Variants in CCDC146 observed in about 807,000 individuals in gnomAD.
CCDC146 encodes coiled-coil domain containing 146.
Under a neutral mutation model 119.3 loss-of-function variants are expected in CCDC146, and 92 were observed. That is an observed-to-expected ratio of 0.77 (90% CI 0.65 to 0.92). The LOEUF (loss-of-function observed/expected upper bound fraction) is 0.92. CCDC146 is among the 40% of genes least tolerant of loss of function. CCDC146 has a pLI of 0.00. For missense variants in CCDC146, 1,000 were observed against 1,103.0 expected (o/e 0.91, Z 1.32); for synonymous variants, 372 against 371.8 (o/e 1.00, Z -0.01).
rs1463877752 is a variant in CCDC146 at position 77,130,873 on chromosome 7, A to G, written c.-12+8141A>G. On this transcript the variant is annotated intron_variant, in intron 1 of 18. Transcript: ENST00000285871. ...GGGCCTCCCAAAGTGCTGGGATTAC[A>G]GGCGTGAGCCACCGCGCCCGGCCCT... is the stretch of plus-strand genomic sequence containing the variant. 3.4e-5 allele frequency among the ~76,000 whole-genome samples: 5 copies of G among 148,542 alleles called. No individual in the cohort carries two copies. In the East Asian group the frequency reaches 9.8e-4, roughly 29 times the overall value.
chr7:77,191,806 A>T (rs991767315), intron 2 of CCDC146, among the ~76,000 whole-genome samples: 2 of 152,058 alleles, frequency 1.3e-5, no homozygotes, highest in African/African-American at 2.4e-5. Flanking sequence ...GCTACTTGGG[A>T]GGCTGAGGCA....
chr7:77,292,301 ATTTT>A (rs35258178), intron 17 of CCDC146, among the ~76,000 whole-genome samples: 4 of 132,658 alleles, frequency 3.0e-5, no homozygotes, highest in African/African-American at 8.6e-5. Flanking sequence ...CTTTATTTTA[ATTTT>A]TTTTTTTTTT....
intron 2 of CCDC146, among the ~76,000 whole-genome samples, chr7:77,191,705 G>A (rs1335735443): frequency 3.3e-5 from 5 of 151,948 alleles, no homozygotes; most frequent in Admixed American, 2.0e-4. Flanking sequence ...TCAGGAGATC[G>A]AGACCATCCT....
At chr7:77,204,237 CTACT>C (rs1255097442) in intron 2 of CCDC146, among the ~76,000 whole-genome samples, 1 of 152,006 alleles carries the variant, frequency 6.6e-6, no homozygotes, top group Admixed American at 6.6e-5. Context: ...ACTTTTTAAA[CTACT>C]TAATTTGAAA....
chr7:77,250,828 C>CTTTT (rs145334670), intron 4 of CCDC146, among the ~76,000 whole-genome samples: 14 of 133,224 alleles, frequency 1.1e-4, no homozygotes, highest in Admixed American at 3.9e-4. Context: ...TTTTCCTAGT[C>CTTTT]TTTTTTTTTT....
chr7:77,173,669 A>G (rs888900421), intron 2 of CCDC146, among the ~76,000 whole-genome samples: 1 of 152,216 alleles, frequency 6.6e-6, no homozygotes, highest in Admixed American at 6.5e-5. Context: ...ACCAAGCCAC[A>G]CAACTCCCAT....
chr7:77,167,356 G>T (rs1384910957), intron 1 of CCDC146, among the ~76,000 whole-genome samples: 1 of 151,986 alleles, frequency 6.6e-6, no homozygotes, highest in Non-Finnish European at 1.5e-5. Flanking sequence ...ATACTGACTT[G>T]CATTCTCATT....
chr7:77,263,061 G>A (rs1323971281), intron 9 of CCDC146, among the ~76,000 whole-genome samples: 9 of 152,178 alleles, frequency 5.9e-5, no homozygotes, highest in Admixed American at 5.2e-4. Flanking sequence ...GGACTGTCAT[G>A]CTCCAGAACC....
At chr7:77,189,092 C>A (rs755986674) in intron 2 of CCDC146, among the ~76,000 whole-genome samples, 1 of 152,088 alleles carries the variant, frequency 6.6e-6, no homozygotes, top group Non-Finnish European at 1.5e-5. Context: ...CTTTCCTGAA[C>A]TTCAGACTAA....
Position 77,274,463 on chromosome 7 carries a change from CTG to C in CCDC146, c.1270-15_1270-14del, listed in dbSNP as rs765930833. 3.3e-5 allele frequency: 46 copies of C among 1,410,726 alleles called. No homozygotes were observed. Among genetic ancestry groups the C allele is most frequent in the African/African-American group, 3.0e-4 (20 of 67,710 alleles). The allele number at this position is 1,410,726 out of a possible 1,614,324, so 87.4% of individuals were successfully genotyped here. On this transcript the variant is annotated splice_polypyrimidine_tract_variant and intron_variant, in intron 10 of 18. Transcript: ENST00000285871. The stretch of plus-strand genomic sequence containing the variant: ...TCAAACAAATAACTTATAATATTAT[CTG>C]TGTTTTTTTTCAAAAGAAAATTATA...
At chr7:77,190,636 G>T (rs1261153271) in intron 2 of CCDC146, among the ~76,000 whole-genome samples, 2 of 152,148 alleles carry the variant, frequency 1.3e-5, no homozygotes, top group South Asian at 2.1e-4. Flanking sequence ...TTGGGAATTC[G>T]GGACACTCCA....
intron 2 of CCDC146, among the ~76,000 whole-genome samples, chr7:77,186,977 G>A (rs937921055): frequency 7.2e-5 from 11 of 152,090 alleles, no homozygotes; most frequent in Non-Finnish European, 1.5e-5. Context: ...TGTTATAGGT[G>A]CATACAATTA....
intron 5 of CCDC146, chr7:77,255,184 C>A (rs1039489429): frequency 2.0e-5 from 3 of 152,064 alleles, no homozygotes; most frequent in African/African-American, 7.2e-5. Context: ...TATGTAAGAC[C>A]TTTTTGGGCC....
intron 11 of CCDC146, among the ~76,000 whole-genome samples, chr7:77,278,435 A>ATTTTTTTTTTTTTTTTTTTTTTT (rs140968354): frequency 9.7e-6 from 1 of 103,342 alleles, no homozygotes; most frequent in Non-Finnish European, 1.8e-5. Context: ...CCAAGAAATA[A>ATTTTTTTTTTTTTTTTTTTTTTT]TTTTTTTTTT....
At chr7:77,207,509 G>A (rs1376052163) in intron 2 of CCDC146, among the ~76,000 whole-genome samples, 1 of 152,098 alleles carries the variant, frequency 6.6e-6, no homozygotes, top group Non-Finnish European at 1.5e-5. Context: ...TGCAACAATT[G>A]CTATTGCACA....
At chr7:77,229,074 G>A (rs1202756981) in intron 2 of CCDC146, among the ~76,000 whole-genome samples, 2 of 152,214 alleles carry the variant, frequency 1.3e-5, no homozygotes, top group African/African-American at 4.8e-5. Context: ...CTAATGGTCA[G>A]TGATGTTGAG....
intron 2 of CCDC146, among the ~76,000 whole-genome samples, chr7:77,175,636 A>C (rs1161013810): frequency 2.0e-5 from 3 of 151,354 alleles, no homozygotes; most frequent in Non-Finnish European, 4.4e-5. Flanking sequence ...GTTGCATGTC[A>C]GATTTGATGA....
At chr7:77,278,025 C>T (rs1364849440) in intron 11 of CCDC146, among the ~76,000 whole-genome samples, 1 of 152,156 alleles carries the variant, frequency 6.6e-6, no homozygotes, top group Non-Finnish European at 1.5e-5. Flanking sequence ...CAGCTGATCT[C>T]AATATGATGC....
chr7:77,253,577 T>C (rs1224861267), intron 4 of CCDC146, among the ~76,000 whole-genome samples: 3 of 152,226 alleles, frequency 2.0e-5, no homozygotes, highest in Admixed American at 2.0e-4. Context: ...CATTTATTCA[T>C]ATTAATTTTT....
Sources: gnomAD v4.1 joint callset for allele counts (sites outside exome capture counted in the v4.1 genomes callset) on GRCh38, gnomAD v4.1.1 for gene constraint, MANE v1.5 for transcripts, NCBI Gene and HGNC (gene_info 2026-07-23, HGNC 2026-07-21) for gene names.